Variants in ANKS1B observed in about 807,000 individuals in gnomAD.
The protein encoded by ANKS1B is ankyrin repeat and sterile alpha motif domain-containing protein 1B.
A neutral mutation model predicts 148.3 loss-of-function variants in ANKS1B; 36 were observed. The ratio of observed to expected loss-of-function variants is 0.24; its 90% CI spans 0.19 to 0.32. The LOEUF (loss-of-function observed/expected upper bound fraction) is 0.32, where lower values mean the gene tolerates loss of function less well. Ranked by LOEUF, ANKS1B falls within the 10% of genes least tolerant of loss-of-function variation. The pLI is 1.00. For synonymous variants in ANKS1B, 542 were observed against 560.8 expected (o/e 0.97, Z 0.47); for missense variants, 1,157 against 1,542.6 (o/e 0.75, Z 4.19).
rs1247105759 is a variant in ANKS1B, at chr12:99,474,584, AAAG to A, written c.1438+29889_1438+29891del. On this transcript the variant is annotated intron_variant, in intron 10 of 26. Transcript: ENST00000683438. Reference sequence around the variant, plus strand: ...TAAAATAAAGCTGGAAATAAATAGAAAAGAAGTGAAAAGCAAAGGCAAACAAAA... The same window carrying A: ...TAAAATAAAGCTGGAAATAAATAGAAAAGTGAAAAGCAAAGGCAAACAAAA... 4.6e-5 allele frequency among the ~76,000 whole-genome samples: 7 copies of A among 152,214 alleles called. No homozygotes were observed. In the East Asian group the frequency reaches 1.4e-3, roughly 29 times the overall value.
intron 3 of ANKS1B, among the ~76,000 whole-genome samples, chr12:99,809,418 A>C (rs1428850130): frequency 6.6e-6 from 1 of 151,960 alleles, no homozygotes; most frequent in African/African-American, 2.4e-5. Flanking sequence ...AAAGGGAAGA[A>C]AGGATTAATG....
intron 17 of ANKS1B, among the ~76,000 whole-genome samples, chr12:98,857,484 C>T (rs753620626): frequency 6.6e-5 from 10 of 150,484 alleles, no homozygotes; most frequent in Non-Finnish European, 1.2e-4. Context: ...GAGTTATTGG[C>T]TTTGGAGATA....
chr12:99,565,659 G>T (rs2097383248), intron 9 of ANKS1B, among the ~76,000 whole-genome samples: 1 of 152,104 alleles, frequency 6.6e-6, no homozygotes, highest in Non-Finnish European at 1.5e-5. Context: ...GGTAACACAT[G>T]TTTGTAGCTT....
At chr12:98,767,232 T>C (rs927437680) in intron 25 of ANKS1B, among the ~76,000 whole-genome samples, 1 of 152,176 alleles carries the variant, frequency 6.6e-6, no homozygotes, top group Non-Finnish European at 1.5e-5. Flanking sequence ...TTGATGCTAG[T>C]GTTTTTCTTG....
intron 9 of ANKS1B, among the ~76,000 whole-genome samples, chr12:99,546,307 T>C (rs1255227252): frequency 6.6e-6 from 1 of 152,178 alleles, no homozygotes; most frequent in African/African-American, 2.4e-5. Flanking sequence ...AAGGGCTAAC[T>C]TAAGAAAGAC....
At chr12:99,527,580 C>T (rs1249478380) in intron 9 of ANKS1B, among the ~76,000 whole-genome samples, 2 of 152,102 alleles carry the variant, frequency 1.3e-5, no homozygotes, top group Non-Finnish European at 2.9e-5. Context: ...TATCCCAGGT[C>T]ATGTTGATGC....
intron 15 of ANKS1B, among the ~76,000 whole-genome samples, chr12:99,138,429 C>T (rs2068879806): frequency 6.6e-6 from 1 of 152,164 alleles, no homozygotes; most frequent in Non-Finnish European, 1.5e-5. Flanking sequence ...GGAGAGATAC[C>T]TAATGTAACA....
intron 12 of ANKS1B, among the ~76,000 whole-genome samples, chr12:99,316,583 G>A (rs1280985656): frequency 1.3e-5 from 2 of 152,102 alleles, no homozygotes; most frequent in Admixed American, 6.5e-5. Context: ...TTTGTCAGAT[G>A]AGTAGGTTGT....
In ANKS1B at chr12:98,945,513, A is replaced by AAC. The variant is rs1567936559; in HGVS notation, c.2778+107643_2778+107644insGT. On this transcript the variant is annotated intron_variant, in intron 17 of 26. Coordinates refer to ENST00000683438, the MANE Select transcript of ANKS1B (RefSeq NM_001352186.2). Reference sequence around the variant, plus strand: ...CTGTCTCAACAAACAAACAAAAAAAAAAAAAAAAAAAAAAAAAAAAAGGGA... The same window carrying AAC: ...CTGTCTCAACAAACAAACAAAAAAAAACAAAAAAAAAAAAAAAAAAAAAGGGA... 3.2e-3 allele frequency among the ~76,000 whole-genome samples: 153 copies of AAC among 47,880 alleles called. 2 individuals carry two copies. The highest frequency in any genetic ancestry group is 7.2e-3 in the Non-Finnish European group (79 of 11,036). 31.4% of individuals were successfully genotyped at this position (47,880 alleles called of 152,430 possible).
chr12:99,692,254 T>C (rs1335104805), intron 8 of ANKS1B, among the ~76,000 whole-genome samples: 3 of 140,480 alleles, frequency 2.1e-5, no homozygotes, highest in African/African-American at 6.0e-5. Flanking sequence ...GCTGTTACAA[T>C]AATCCGGTGA....
chr12:99,114,052 CTT>C (rs1328400697), intron 15 of ANKS1B, among the ~76,000 whole-genome samples: 2 of 152,164 alleles, frequency 1.3e-5, no homozygotes, highest in African/African-American at 4.8e-5. Flanking sequence ...TTGCACAACA[CTT>C]TGCAATTTGT....
At position 98,751,367 on chromosome 12, in the gene ANKS1B, A is replaced by G. The variant is rs760221682; in HGVS notation, c.3735T>C (p.Ile1245=). Reference sequence around the variant, plus strand: ...CGTTTCTACTTACCACGGACTTGCGAATGCTAACGCGGGGCTTGGGGATGG... The same window carrying G: ...CGTTTCTACTTACCACGGACTTGCGGATGCTAACGCGGGGCTTGGGGATGG... The part of the protein sequence containing the change: ...SKPIPKPRVS[I]RKSVQIDPSE... Residue 1245 remains isoleucine (I), a synonymous_variant, in exon 26 of 27, where the codon ATT becomes ATC. Coordinates refer to ENST00000683438, the MANE Select transcript of ANKS1B (RefSeq NM_001352186.2). The surrounding 1 kb of genome is among the most constrained non-coding windows in gnomAD (Gnocchi z 4.3). 3.7e-6 allele frequency: 6 copies of G among 1,613,544 alleles called. No homozygotes were observed. The South Asian group carries it at 6.6e-5, about 18-fold the overall frequency.
At chr12:99,435,576 C>G (rs940952831) in intron 11 of ANKS1B, among the ~76,000 whole-genome samples, 1 of 151,994 alleles carries the variant, frequency 6.6e-6, no homozygotes, top group Non-Finnish European at 1.5e-5. Context: ...ACAATGTACA[C>G]AGCACCATGG....
intron 6 of ANKS1B, 56 bp from the exon 7 acceptor site, chr12:99,775,717 T>A: frequency 9.5e-7 from 1 of 1,053,808 alleles, no homozygotes; most frequent in Non-Finnish European, 1.4e-6. Flanking sequence ...TTAAAATCAA[T>A]AAATTTTAAG....
chr12:99,139,745 C>A (rs993116627), intron 15 of ANKS1B, among the ~76,000 whole-genome samples: 3 of 151,878 alleles, frequency 2.0e-5, no homozygotes, highest in African/African-American at 7.3e-5. Context: ...AGATGCTGTA[C>A]TATGGCTCTT....
intron 25 of ANKS1B, among the ~76,000 whole-genome samples, chr12:98,755,415 C>T (rs2098213566): frequency 6.6e-6 from 1 of 152,228 alleles, no homozygotes; most frequent in Non-Finnish European, 1.5e-5. Flanking sequence ...ACTGTCTCTG[C>T]CTTCAACATA....
At chr12:99,188,176 A>C (rs1464206150) in intron 14 of ANKS1B, among the ~76,000 whole-genome samples, 1 of 152,232 alleles carries the variant, frequency 6.6e-6, no homozygotes, top group Non-Finnish European at 1.5e-5. Context: ...TCAATAGAGG[A>C]GCACCCAGAT....
At chr12:99,462,617 G>A (rs935049016) in intron 10 of ANKS1B, among the ~76,000 whole-genome samples, 3 of 152,132 alleles carry the variant, frequency 2.0e-5, no homozygotes, top group Non-Finnish European at 4.4e-5. Flanking sequence ...TAATGACTGA[G>A]ACAGAAAAAT....
intron 1 of ANKS1B, among the ~76,000 whole-genome samples, chr12:99,841,087 C>A (rs1459932508): frequency 1.3e-5 from 2 of 152,096 alleles, no homozygotes; most frequent in Non-Finnish European, 2.9e-5. Context: ...GGAAAATTAC[C>A]TAACTACTCC....
Sources: gnomAD v4.1 joint callset for allele counts (sites outside exome capture counted in the v4.1 genomes callset) on GRCh38, gnomAD v4.1.1 for gene constraint, Gnocchi (gnomAD v3.1) non-coding constraint, MANE v1.5 for transcripts, NCBI Gene and HGNC (gene_info 2026-07-23, HGNC 2026-07-21) for gene names.